The following NCKIPSD variants were observed in gnomAD, a reference collection of about 807,000 sequenced individuals.
The protein encoded by NCKIPSD is NCK-interacting protein with SH3 domain.
NCKIPSD carries 48 observed loss-of-function variants against 73.4 expected under a neutral mutation model. The ratio of observed to expected loss-of-function variants is 0.65; its 90% CI spans 0.52 to 0.83. The LOEUF (loss-of-function observed/expected upper bound fraction) is 0.83. Among genes scored for constraint, NCKIPSD ranks in the 40% least tolerant of loss-of-function variants. The pLI is 0.00. For missense variants in NCKIPSD, 884 were observed against 970.2 expected (o/e 0.91, Z 1.18); for synonymous variants, 422 against 403.6 (o/e 1.05, Z -0.54).
At chr3:48,675,526 A>G (rs918362880) in intron 12 of NCKIPSD, among the ~76,000 whole-genome samples, 1 of 64,912 alleles carries the variant, frequency 1.5e-5, no homozygotes, top group Non-Finnish European at 2.9e-5. Flanking sequence ...ATATATATAT[A>G]TGATATATAT....
intron 12 of NCKIPSD, among the ~76,000 whole-genome samples, chr3:48,676,044 T>C (rs1188774353): frequency 6.6e-6 from 1 of 152,214 alleles, no homozygotes; most frequent in Admixed American, 6.5e-5. Flanking sequence ...CACCAGCGTC[T>C]AAGCTATAGA....
rs1028941750 is a variant in NCKIPSD at position 48,683,183 on chromosome 3, T to G, written c.172-171A>C. ...TATGGAATGGGGTTCTCAAACTGTA[T>G]CACTCAGGGAGCTGAGGCACAGGGT... On this transcript the variant is annotated intron_variant, in intron 1 of 12. Transcript: ENST00000294129. 19 of 1,260,416 alleles carry G rather than the reference T, an allele frequency of 1.5e-5. No individual in the cohort carries two copies. The East Asian group carries it at 4.9e-4, about 32-fold the overall frequency. The allele number at this position is 1,260,416 out of a possible 1,614,324, so 78.1% of individuals were successfully genotyped here.
chr3:48,677,114 C>T (rs2077267847), intron 12 of NCKIPSD, among the ~76,000 whole-genome samples: 1 of 150,636 alleles, frequency 6.6e-6, no homozygotes, highest in Admixed American at 6.6e-5. Context: ...CCTGGCCAGG[C>T]ACGGTGGCTC....
At chr3:48,675,506 TATCATATATATATATATATATG>T (rs1559489908) in intron 12 of NCKIPSD, among the ~76,000 whole-genome samples, 2 of 118,972 alleles carry the variant, frequency 1.7e-5, no homozygotes, top group African/African-American at 7.4e-5. Flanking sequence ...TATATATATA[TATCATATATATATATATATATG>T]ATATATATAT....
At chr3:48,682,573 C>T (rs1156950227) in intron 2 of NCKIPSD, 21 bp from the exon 3 acceptor site, 1 of 1,610,774 alleles carries the variant, frequency 6.2e-7, no homozygotes, top group Non-Finnish European at 8.5e-7. Flanking sequence ...GACAGGAAGA[C>T]TATTGGGGGG....
At position 48,674,246 on chromosome 3, in the gene NCKIPSD, G is replaced by A. The variant is rs1310487472; in HGVS notation, c.*298C>T. 9.3e-6 allele frequency: 12 copies of A among 1,289,416 alleles called. No individual in the cohort carries two copies. The East Asian group carries it at 3.3e-4, about 35-fold the overall frequency. 79.9% of individuals were successfully genotyped at this position (1,289,416 alleles called of 1,614,324 possible). ...CTGGTCCAGCCTGGAGCGGCAGCAGGACTCTGAGTGTACACATGGGTGTGG... is the reference window on the plus strand; with the variant it reads ...CTGGTCCAGCCTGGAGCGGCAGCAGAACTCTGAGTGTACACATGGGTGTGG... On this transcript the variant is annotated 3_prime_UTR_variant, in exon 13 of 13. Coordinates refer to ENST00000294129, the MANE Select transcript of NCKIPSD (RefSeq NM_016453.4).
intron 1 of NCKIPSD, 65 bp from the exon 2 acceptor site, chr3:48,683,077 G>A: frequency 6.5e-7 from 1 of 1,541,414 alleles, no homozygotes; most frequent in Non-Finnish European, 8.7e-7. Context: ...CCCAGGCCCA[G>A]CCCGAGATAG....
chr3:48,680,022 C>T, intron 6 of NCKIPSD, 37 bp downstream of exon 6: 1 of 1,602,848 alleles, frequency 6.2e-7, no homozygotes, highest in Non-Finnish European at 8.5e-7. Context: ...GGCCACTGTT[C>T]CCCATGTGGG....
chr3:48,684,699 C>T (rs1006939257), intron 1 of NCKIPSD, among the ~76,000 whole-genome samples: 6 of 152,182 alleles, frequency 3.9e-5, no homozygotes, highest in Non-Finnish European at 7.3e-5. Flanking sequence ...GCTGGAGATA[C>T]GCACCCCAAC....
At chr3:48,679,230 C>G in intron 9 of NCKIPSD, 47 bp from the exon 10 acceptor site, 1 of 1,610,326 alleles carries the variant, frequency 6.2e-7, no homozygotes, top group Non-Finnish European at 8.5e-7. Flanking sequence ...CCCCTCCGAC[C>G]CCCGCACCAC....
Position 48,681,216 on chromosome 3 carries a change from G to A in NCKIPSD, c.1092+71C>T, listed in dbSNP as rs1369732895. 2.0e-6 allele frequency: 3 copies of A among 1,506,408 alleles called. No homozygotes were observed. The African/African-American group carries it at 4.2e-5, about 21-fold the overall frequency. The allele number at this position is 1,506,408 out of a possible 1,614,324, so 93.3% of individuals were successfully genotyped here. A position where few individuals can be genotyped will look rare whatever the true frequency, so the allele number is the denominator to read the frequency against. The stretch of plus-strand genomic sequence containing the variant: ...GCTTGAGAAATACCTGTAATGTACA[G>A]GCTGGACAAGTGTGTGACGGTGGGA... On this transcript the variant is annotated intron_variant, in intron 5 of 12. Coordinates refer to ENST00000294129, the MANE Select transcript of NCKIPSD (RefSeq NM_016453.4).
intron 12 of NCKIPSD, 62 bp from the exon 13 acceptor site, chr3:48,674,809 G>A: frequency 6.4e-7 from 1 of 1,552,508 alleles, no homozygotes; most frequent in Non-Finnish European, 8.8e-7. Context: ...CACTGGACAG[G>A]GACAGGACCC....
chr3:48,674,669 CGGGTAGCCGGTGGCGGTGCTGCAGGTA>C lies in NCKIPSD; in HGVS notation c.2017_2043del (p.Tyr673_Pro681del). 1 of 1,614,012 alleles carries C rather than the reference CGGGTAGCCGGTGGCGGTGCTGCAGGTA, an allele frequency of 6.2e-7. No homozygotes were observed. ...ATGCGTCGCAGTATGGCCTGCAGGT[CGGGTAGCCGGTGGCGGTGCTGCAGGTA>C]GGGTGTGGTGCGGACTATAGCATGC... On this transcript the variant is annotated inframe_deletion, in exon 13 of 13. Coordinates refer to ENST00000294129, the MANE Select transcript of NCKIPSD (RefSeq NM_016453.4).
chr3:48,684,630 T>C (rs570580709), intron 1 of NCKIPSD, among the ~76,000 whole-genome samples: 1 of 151,852 alleles, frequency 6.6e-6, no homozygotes, highest in South Asian at 2.1e-4. Flanking sequence ...GGGGCGGGGG[T>C]GTCTGGCACA....
At chr3:48,682,757 C>T (rs1442989913) in intron 2 of NCKIPSD, 146 bp downstream of exon 2, 34 of 1,279,098 alleles carry the variant, frequency 2.7e-5, no homozygotes, top group Non-Finnish European at 3.6e-5. Context: ...GACCCGACCC[C>T]ACCTTGCTCA....
intron 5 of NCKIPSD, 80 bp from the exon 6 acceptor site, chr3:48,680,309 C>T (rs2077330317): frequency 7.0e-7 from 1 of 1,431,762 alleles, no homozygotes; most frequent in East Asian, 2.4e-5. Context: ...CCTGGAGAGT[C>T]CATCTGTGGA....
Position 48,682,944 on chromosome 3 carries a change from C to T in NCKIPSD, c.240G>A (p.Arg80=), listed in dbSNP as rs1343754788. The change falls in exon 2 of 13, where the codon CGG becomes CGA. Residue 80 remains arginine (R), a synonymous_variant. Coordinates refer to ENST00000294129, the MANE Select transcript of NCKIPSD (RefSeq NM_016453.4). The part of the protein sequence containing the change: ...AIEAVHNTAM[R]DGGKYSLEQR... ...GTTCCAGGCTGTACTTGCCACCATC[C>T]CGCATGGCTGTGTTGTGTACAGCCT... 2 of 1,553,340 alleles carry T rather than the reference C, an allele frequency of 1.3e-6. No individual in the cohort carries two copies. The highest frequency in any genetic ancestry group is 1.9e-5 in the Admixed American group (1 of 51,386).
At chr3:48,674,845 T>C (rs1217915403) in intron 12 of NCKIPSD, 98 bp from the exon 13 acceptor site, 10 of 1,263,198 alleles carry the variant, frequency 7.9e-6, no homozygotes, top group Non-Finnish European at 1.1e-5. Flanking sequence ...CCCAGGGCTG[T>C]GGACCTGAAC....
chr3:48,676,189 TTCTC>T (rs1423182494), intron 12 of NCKIPSD, among the ~76,000 whole-genome samples: 1 of 152,232 alleles, frequency 6.6e-6, no homozygotes, highest in African/African-American at 2.4e-5. Flanking sequence ...AATGTCCACC[TTCTC>T]TGTCTTTGAA....
Sources: allele counts gnomAD v4.1 joint callset (sites outside exome capture counted in the v4.1 genomes callset), GRCh38; gene constraint gnomAD v4.1.1; transcripts MANE v1.5; gene names NCBI Gene and HGNC (gene_info 2026-07-23, HGNC 2026-07-21).